Variants in KIZ observed in about 807,000 individuals in gnomAD.
The protein encoded by KIZ is kizuna centrosomal protein.
A neutral mutation model predicts 79.6 loss-of-function variants in KIZ; 68 were observed. The ratio of observed to expected loss-of-function variants is 0.85; its 90% CI spans 0.70 to 1.05. KIZ has a LOEUF of 1.05. Among genes scored for constraint, KIZ ranks in the 50% least tolerant of loss-of-function variants. The pLI is 0.00. For missense variants in KIZ, 797 were observed against 800.4 expected (o/e 1.00, Z 0.05); for synonymous variants, 280 against 281.8 (o/e 0.99, Z 0.06).
intron 9 of KIZ, among the ~76,000 whole-genome samples, chr20:21,222,431 G>A (rs1420934925): frequency 1.3e-5 from 2 of 152,198 alleles, no homozygotes; most frequent in Non-Finnish European, 2.9e-5. Flanking sequence ...CTGTGGAGCA[G>A]GGGTCTCAGT....
chr20:21,199,911 T>C (rs78320090), intron 6 of KIZ, among the ~76,000 whole-genome samples: 15,726 of 152,170 alleles, frequency 0.1, 1,432 homozygotes, highest in African/African-American at 0.24. Context: ...CTCTGCCTCC[T>C]GAGCTCAAGA....
intron 4 of KIZ, among the ~76,000 whole-genome samples, chr20:21,146,321 C>T (rs1024438010): frequency 1.3e-5 from 2 of 152,086 alleles, no homozygotes; most frequent in African/African-American, 2.4e-5. Context: ...CTCAGCCAGT[C>T]GATATTGTAA....
At chr20:21,131,017 T>C (rs568639519) in intron 1 of KIZ, among the ~76,000 whole-genome samples, 1 of 152,312 alleles carries the variant, frequency 6.6e-6, no homozygotes, top group South Asian at 2.1e-4. Context: ...TATTATGTGG[T>C]TTCTTTTTTG....
At chr20:21,210,785 A>G (rs1051543531) in intron 7 of KIZ, among the ~76,000 whole-genome samples, 3 of 151,530 alleles carry the variant, frequency 2.0e-5, no homozygotes, top group South Asian at 2.1e-4. Flanking sequence ...AGGGGCAGCA[A>G]TTTGAGAGAT....
chr20:21,204,209 A>G (rs1350074108), intron 6 of KIZ, among the ~76,000 whole-genome samples: 4 of 126,506 alleles, frequency 3.2e-5, no homozygotes, highest in Admixed American at 1.0e-4. Context: ...TCCGCCTCCC[A>G]GGTTCACGCC....
intron 6 of KIZ, among the ~76,000 whole-genome samples, chr20:21,193,809 A>G (rs1357765158): frequency 7.1e-6 from 1 of 140,392 alleles, no homozygotes; most frequent in Non-Finnish European, 1.5e-5. Flanking sequence ...GAACAATGAG[A>G]ACACATGGAC....
chr20:21,135,574 G>A (rs573749754), intron 2 of KIZ, among the ~76,000 whole-genome samples: 2 of 152,180 alleles, frequency 1.3e-5, no homozygotes, highest in Non-Finnish European at 2.9e-5. Context: ...TTTGTTTTGA[G>A]GGTGAATATT....
intron 11 of KIZ, among the ~76,000 whole-genome samples, chr20:21,235,219 C>T (rs775375319): frequency 6.6e-6 from 1 of 152,178 alleles, no homozygotes; most frequent in African/African-American, 2.4e-5. Flanking sequence ...TTTATACATG[C>T]TCATTTCATT....
chr20:21,161,812 A>G lies in KIZ; in HGVS notation c.406-59A>G, dbSNP rs539530106. 2.6e-5 allele frequency: 32 copies of G among 1,219,190 alleles called. No individual in the cohort carries two copies. In the African/African-American group the frequency reaches 4.6e-4, roughly 17 times the overall value. 75.5% of individuals were successfully genotyped at this position (1,219,190 alleles called of 1,614,324 possible). Reference sequence around the variant, plus strand: ...CCTTTCATTTCTGGAAAAAAAAAAAAACCCCACCTAATTGTTTATACACAG... The same window carrying G: ...CCTTTCATTTCTGGAAAAAAAAAAAGACCCCACCTAATTGTTTATACACAG... On this transcript the variant is annotated intron_variant, in intron 4 of 12. Transcript: ENST00000619189.
At chr20:21,200,393 T>G (rs2035543879) in intron 6 of KIZ, among the ~76,000 whole-genome samples, 1 of 152,058 alleles carries the variant, frequency 6.6e-6, no homozygotes, top group Non-Finnish European at 1.5e-5. Flanking sequence ...TTACATTTAT[T>G]GTGCACTTTA....
At chr20:21,182,721 C>T (rs1188090658) in intron 6 of KIZ, among the ~76,000 whole-genome samples, 2 of 149,230 alleles carry the variant, frequency 1.3e-5, no homozygotes, top group East Asian at 4.0e-4. Context: ...CACTTGAACC[C>T]GGGAGGCAGA....
chr20:21,155,987 C>T (rs2033362605), intron 4 of KIZ, among the ~76,000 whole-genome samples: 1 of 152,188 alleles, frequency 6.6e-6, no homozygotes, highest in Non-Finnish European at 1.5e-5. Flanking sequence ...TTCTTTCCTA[C>T]GAGGATTCTG....
At chr20:21,133,643 T>C (rs1371652773) in intron 2 of KIZ, among the ~76,000 whole-genome samples, 1 of 152,264 alleles carries the variant, frequency 6.6e-6, no homozygotes, top group Non-Finnish European at 1.5e-5. Context: ...TTAGATTGCC[T>C]GTAGAAGAAA....
intron 9 of KIZ, among the ~76,000 whole-genome samples, chr20:21,222,891 A>G (rs1170675719): frequency 2.0e-5 from 3 of 152,214 alleles, no homozygotes; most frequent in Non-Finnish European, 4.4e-5. Flanking sequence ...TCACGTTCTG[A>G]GGTTCTGGGA....
chr20:21,213,248 TGTCCGGGCCTTCTTACCGGGCCTTCC>T (rs1332347092), intron 7 of KIZ, among the ~76,000 whole-genome samples: 8 of 152,180 alleles, frequency 5.3e-5, no homozygotes, highest in African/African-American at 1.7e-4. Flanking sequence ...CCAGACCTTC[TGTCCGGGCCTTCTTACCGGGCCTTCC>T]GTCCGGGCCT....
chr20:21,220,147 A>G (rs926946091), intron 9 of KIZ, among the ~76,000 whole-genome samples: 1 of 149,520 alleles, frequency 6.7e-6, no homozygotes, highest in Non-Finnish European at 1.5e-5. Flanking sequence ...TATATATCAT[A>G]TATCATTATA....
At chr20:21,186,736 ACAAACT>A (rs2034889736) in intron 6 of KIZ, among the ~76,000 whole-genome samples, 2 of 152,052 alleles carry the variant, frequency 1.3e-5, no homozygotes, top group South Asian at 4.2e-4. Context: ...AGTAAAGAAA[ACAAACT>A]CAAATCTAAC....
chr20:21,225,751 A>G (rs2036634300), intron 9 of KIZ, among the ~76,000 whole-genome samples: 1 of 152,200 alleles, frequency 6.6e-6, no homozygotes, highest in Admixed American at 6.5e-5. Context: ...CCTCATGTCC[A>G]TAACTTTACA....
intron 11 of KIZ, among the ~76,000 whole-genome samples, chr20:21,240,795 A>G (rs191459601): frequency 5.9e-5 from 9 of 152,396 alleles, no homozygotes. Context: ...CCTGAAAGGT[A>G]TATGAAATTC....
Sources: gnomAD v4.1 joint callset for allele counts (sites outside exome capture counted in the v4.1 genomes callset) on GRCh38, gnomAD v4.1.1 for gene constraint, MANE v1.5 for transcripts, NCBI Gene and HGNC (gene_info 2026-07-23, HGNC 2026-07-21) for gene names.